Variants in ATP8B1 observed in about 807,000 individuals in gnomAD.
ATP8B1 encodes ATPase phospholipid transporting 8B1, also known as phospholipid-transporting ATPase IC.
ATP8B1 carries 80 observed loss-of-function variants against 149.9 expected under a neutral mutation model. The observed-to-expected ratio is 0.53, with a 90% CI of 0.45 to 0.64. ATP8B1 has a LOEUF of 0.64. Ranked by LOEUF, ATP8B1 falls within the 30% of genes least tolerant of loss-of-function variation. The probability of loss-of-function intolerance (pLI) is 0.00; values close to 1 mark genes in which losing one functional copy is unlikely to be tolerated. For synonymous variants in ATP8B1, 536 were observed against 562.8 expected, an observed-to-expected ratio of 0.95 and a Z score of 0.67; for missense variants, 1,247 against 1,552.6, an observed-to-expected ratio of 0.80 and a Z score of 3.31.
intron 1 of ATP8B1, among the ~76,000 whole-genome samples, chr18:57,754,716 G>T (rs564018830): frequency 1.3e-5 from 2 of 152,108 alleles, no homozygotes; most frequent in African/African-American, 4.8e-5. Flanking sequence ...TACAGCCCAC[G>T]CCGGGGCTCA....
intron 1 of ATP8B1, among the ~76,000 whole-genome samples, chr18:57,781,751 G>A (rs1333675361): frequency 6.6e-6 from 1 of 152,160 alleles, no homozygotes; most frequent in African/African-American, 2.4e-5. Context: ...GAGATGGGAG[G>A]ATAGCTTGAT....
intron 2 of ATP8B1, among the ~76,000 whole-genome samples, chr18:57,720,818 A>G (rs2079637103): frequency 6.6e-6 from 1 of 151,774 alleles, no homozygotes; most frequent in South Asian, 2.1e-4. Flanking sequence ...GTTGAAATGA[A>G]AGAAAAAATG....
intron 1 of ATP8B1, among the ~76,000 whole-genome samples, chr18:57,795,634 T>G (rs1208482134): frequency 5.9e-5 from 9 of 152,146 alleles, no homozygotes; most frequent in Non-Finnish European, 1.3e-4. Context: ...ATGATTCCAC[T>G]TAACCTGAGG....
intron 1 of ATP8B1, among the ~76,000 whole-genome samples, chr18:57,748,162 C>T (rs189352235): frequency 2.0e-5 from 3 of 152,074 alleles, no homozygotes; most frequent in East Asian, 1.9e-4. Context: ...TGGTGGCGTG[C>T]GTTTACAGAG....
At chr18:57,693,903 G>T (rs1362603380) in intron 11 of ATP8B1, among the ~76,000 whole-genome samples, 1 of 152,104 alleles carries the variant, frequency 6.6e-6, no homozygotes, top group African/African-American at 2.4e-5. Flanking sequence ...TTGCTGCTGG[G>T]AGAATTAAGT....
chr18:57,796,344 G>A (rs1390080865), intron 1 of ATP8B1, among the ~76,000 whole-genome samples: 8 of 152,084 alleles, frequency 5.3e-5, no homozygotes, highest in Admixed American at 5.2e-4. Flanking sequence ...AGTCCTTACT[G>A]TAACAAAAGT....
At chr18:57,768,264 G>A (rs1437448011) in intron 1 of ATP8B1, among the ~76,000 whole-genome samples, 1 of 151,542 alleles carries the variant, frequency 6.6e-6, no homozygotes, top group Non-Finnish European at 1.5e-5. Flanking sequence ...GGGGGCACCT[G>A]TAGTCCCAGC....
At position 57,646,862 on chromosome 18, in the gene ATP8B1, G is replaced by A. The variant is rs1237729348; in HGVS notation, c.*1626C>T. 1 of 152,526 alleles carries A rather than the reference G, an allele frequency of 6.6e-6. No individual in the cohort carries two copies. The highest frequency in any genetic ancestry group is 2.4e-5 in the African/African-American group (1 of 41,412). 9.4% of individuals were successfully genotyped at this position (152,526 alleles called of 1,614,324 possible). A position where few individuals can be genotyped will look rare whatever the true frequency, so the allele number is the denominator to read the frequency against. ...TATTGTGAACATTCACAGCCCAATG[G>A]TAAAAAACAGAATTCTCGAACTATG... On this transcript the variant is annotated 3_prime_UTR_variant, in exon 28 of 28. Coordinates refer to ENST00000648908, the MANE Select transcript of ATP8B1 (RefSeq NM_001374385.1).
At chr18:57,794,787 CCT>C in intron 1 of ATP8B1, among the ~76,000 whole-genome samples, 5 of 119,308 alleles carry the variant, frequency 4.2e-5, no homozygotes, top group African/African-American at 1.8e-4. Context: ...CGAAACTCCG[CCT>C]CAAAAAGAAA....
chr18:57,697,420 C>T (rs1912871451), intron 8 of ATP8B1, among the ~76,000 whole-genome samples, 198 bp downstream of exon 8: 1 of 152,112 alleles, frequency 6.6e-6, no homozygotes, highest in Admixed American at 6.6e-5. Context: ...ATCCTTTTAC[C>T]TTCCCTGAGA....
intron 1 of ATP8B1, among the ~76,000 whole-genome samples, chr18:57,753,631 A>T (rs1196235737): frequency 1.3e-5 from 2 of 152,230 alleles, no homozygotes; most frequent in African/African-American, 4.8e-5. Flanking sequence ...AGATTATTTT[A>T]AAAAATGAAA....
chr18:57,781,986 C>G (rs2080361432), intron 1 of ATP8B1, among the ~76,000 whole-genome samples: 2 of 152,182 alleles, frequency 1.3e-5, no homozygotes, highest in South Asian at 4.1e-4. Context: ...GAGAACCCAT[C>G]TCTAAAAACC....
At chr18:57,743,884 G>A (rs779679634) in intron 1 of ATP8B1, among the ~76,000 whole-genome samples, 39 of 152,120 alleles carry the variant, frequency 2.6e-4, no homozygotes, top group Non-Finnish European at 4.4e-4. Flanking sequence ...GAGGGAGACT[G>A]TTCAAAAGTC....
chr18:57,714,532 CT>C (rs1447014273), intron 2 of ATP8B1, among the ~76,000 whole-genome samples: 2 of 144,130 alleles, frequency 1.4e-5, no homozygotes, highest in East Asian at 2.3e-4. Context: ...CTCCACCCCC[CT>C]AGCTCTGGGT....
At chr18:57,756,236 C>CACACAT (rs1270164219) in intron 1 of ATP8B1, among the ~76,000 whole-genome samples, 19,974 of 105,372 alleles carry the variant, frequency 0.19, 2,786 homozygotes, top group Middle Eastern at 0.3. Flanking sequence ...CACACACACA[C>CACACAT]ATATATACAC....
chr18:57,650,646 C>G (rs1909551254), intron 26 of ATP8B1, 149 bp from the exon 27 acceptor site: 1 of 885,826 alleles, frequency 1.1e-6, no homozygotes, highest in African/African-American at 1.7e-5. Flanking sequence ...AGTTCGAGAC[C>G]AGCCTGGGCA....
intron 1 of ATP8B1, among the ~76,000 whole-genome samples, chr18:57,756,305 A>ATATACATATATATATATATATG (rs1555653786): frequency 6.6e-5 from 7 of 106,130 alleles, no homozygotes; most frequent in Non-Finnish European, 1.1e-4. Context: ...GTGTATGTAT[A>ATATACATATATATATATATATG]TATATATATA....
Position 57,646,477 on chromosome 18 carries a change from T to C in ATP8B1, c.*2011A>G, listed in dbSNP as rs1909186177. ...TTCAAAGATTTTACTAAATCATTTT[T>C]TTAAACAAAATATACATTAAATCTC... On this transcript the variant is annotated 3_prime_UTR_variant, in exon 28 of 28. Transcript: ENST00000648908. 1 of 152,614 alleles carries C rather than the reference T, an allele frequency of 6.6e-6. No individual in the cohort carries two copies. Among genetic ancestry groups the C allele is most frequent in the African/African-American group, 2.4e-5 (1 of 41,456 alleles). 9.5% of individuals were successfully genotyped at this position (152,614 alleles called of 1,614,324 possible). A position where few individuals can be genotyped will look rare whatever the true frequency, so the allele number is the denominator to read the frequency against.
At chr18:57,765,079 T>C (rs11663334) in intron 1 of ATP8B1, among the ~76,000 whole-genome samples, 3,366 of 152,332 alleles carry the variant, frequency 0.022, 64 homozygotes, top group African/African-American at 0.037. Context: ...AAATGTGGTA[T>C]AGAGACAAGG....
Sources: allele counts gnomAD v4.1 joint callset (sites outside exome capture counted in the v4.1 genomes callset), GRCh38; gene constraint gnomAD v4.1.1; transcripts MANE v1.5; gene names NCBI Gene and HGNC (gene_info 2026-07-23, HGNC 2026-07-21).